PARP12: variants seen among roughly 807,000 people sequenced by gnomAD.
PARP12 encodes protein mono-ADP-ribosyltransferase PARP12.
Under a neutral mutation model 72.4 loss-of-function variants are expected in PARP12, and 59 were observed. That is an observed-to-expected ratio of 0.81 (90% confidence interval 0.66 to 1.01). The LOEUF (loss-of-function observed/expected upper bound fraction) is 1.01, where lower values mean the gene tolerates loss of function less well. Among genes scored for constraint, PARP12 ranks in the 50% least tolerant of loss-of-function variants. PARP12 has a pLI of 0.00. For synonymous variants in PARP12, 403 were observed against 371.4 expected (o/e 1.09, Z -0.98); for missense variants, 851 against 914.0 (o/e 0.93, Z 0.89).
chr7:140,047,836 G>A (rs769577436), intron 4 of PARP12, among the ~76,000 whole-genome samples: 2 of 152,060 alleles, frequency 1.3e-5, no homozygotes, highest in Non-Finnish European at 2.9e-5. Context: ...GGCTAGTCTC[G>A]AACTTCTGGC....
chr7:140,035,910 A>G lies in PARP12; in HGVS notation c.1325-1579T>C, dbSNP rs1231174091. Among the ~76,000 whole-genome samples the G allele has an allele frequency of 9.8e-3, 1,309 of 133,770 alleles. 108 individuals carry two copies. The highest frequency in any genetic ancestry group is 0.03 in the Middle Eastern group (7 of 236). 87.8% of individuals were successfully genotyped at this position (133,770 alleles called of 152,430 possible). A position where few individuals can be genotyped will look rare whatever the true frequency, so the allele number is the denominator to read the frequency against. Reference sequence around the variant, plus strand: ...GAGGAAGAGGAGGAGGACGAGGAGGAGGACAAGGAGGAGGACAAGGAGGAG... The same window carrying G: ...GAGGAAGAGGAGGAGGACGAGGAGGGGGACAAGGAGGAGGACAAGGAGGAG... On this transcript the variant is annotated intron_variant, in intron 7 of 11. Transcript: ENST00000263549.
At chr7:140,028,396 C>T (rs1013828635) in intron 9 of PARP12, among the ~76,000 whole-genome samples, 1 of 152,182 alleles carries the variant, frequency 6.6e-6, no homozygotes, top group Non-Finnish European at 1.5e-5. Flanking sequence ...GACAACCCCT[C>T]CCCTCAGAGC....
At chr7:140,037,083 G>A (rs1348472623) in intron 7 of PARP12, among the ~76,000 whole-genome samples, 1 of 152,246 alleles carries the variant, frequency 6.6e-6, no homozygotes. Context: ...AGCAAACTGG[G>A]AGGCCAAGGT....
chr7:140,045,407 G>A (rs1816676212), intron 5 of PARP12, among the ~76,000 whole-genome samples: 1 of 152,152 alleles, frequency 6.6e-6, no homozygotes, highest in Non-Finnish European at 1.5e-5. Flanking sequence ...ATAACCTTGT[G>A]ACGTAGAAAC....
At chr7:140,034,474 G>A in intron 7 of PARP12, 143 bp from the exon 8 acceptor site, 2 of 611,792 alleles carry the variant, frequency 3.3e-6, no homozygotes, top group Non-Finnish European at 5.5e-6. Context: ...TAAAAATAGG[G>A]CCATTTTACA....
chr7:140,036,423 C>T (rs899233912), intron 7 of PARP12, among the ~76,000 whole-genome samples: 1 of 152,122 alleles, frequency 6.6e-6, no homozygotes, highest in Admixed American at 6.5e-5. Flanking sequence ...CAAACCAGAC[C>T]ACACGTGGCT....
At chr7:140,059,945 G>C (rs531410191) in intron 1 of PARP12, among the ~76,000 whole-genome samples, 1 of 152,342 alleles carries the variant, frequency 6.6e-6, no homozygotes, top group African/African-American at 2.4e-5. Context: ...GACAGCAAGA[G>C]AAAGGAAGAA....
At chr7:140,057,264 C>T (rs573548010) in intron 2 of PARP12, 111 bp from the exon 3 acceptor site, 3 of 1,032,622 alleles carry the variant, frequency 2.9e-6, no homozygotes, top group Non-Finnish European at 4.3e-6. Context: ...GTGATTCCAT[C>T]ATCCACACAG....
chr7:140,045,598 G>C (rs943031797), intron 5 of PARP12, among the ~76,000 whole-genome samples: 2 of 152,176 alleles, frequency 1.3e-5, no homozygotes, highest in African/African-American at 4.8e-5. Flanking sequence ...TCAGCTAAAA[G>C]TCTGTTAAGA....
At chr7:140,058,137 AAAG>A in intron 1 of PARP12, 103 bp from the exon 2 acceptor site, 2 of 1,326,922 alleles carry the variant, frequency 1.5e-6, no homozygotes, top group South Asian at 2.5e-5. Flanking sequence ...CTCTATTTGG[AAAG>A]AAGGTCTCTA....
rs756204488 is a variant in PARP12, at chr7:140,041,712, T to C, written c.1114A>G (p.Ile372Val). 9 of 1,614,072 alleles carry C rather than the reference T, an allele frequency of 5.6e-6. No homozygotes were observed. The highest frequency in any genetic ancestry group is 7.6e-6 in the Non-Finnish European group (9 of 1,180,018). The change falls in exon 6 of 12, where the codon ATC (isoleucine) becomes GTC (valine). Residue 372 changes from isoleucine (I) to valine (V), a missense_variant. Transcript: ENST00000263549. ...ASSVTKPPHF[I>V]LTTDWIWYWS... ...TACCAAATCCAGTCAGTGGTGAGGA[T>C]GAAGTGTGGAGGTTTGGTGACAGAG...
chr7:140,046,798 C>CTG (rs1441170286), intron 5 of PARP12, 86 bp downstream of exon 5: 12 of 778,008 alleles, frequency 1.5e-5, no homozygotes, highest in African/African-American at 4.2e-5. Context: ...AGGCTGCTCA[C>CTG]AGTGTGTGTG....
At chr7:140,033,028 T>A (rs1816002487) in intron 8 of PARP12, 1 of 210,754 alleles carries the variant, frequency 4.7e-6, no homozygotes, top group African/African-American at 2.4e-5. Flanking sequence ...CTTGGCTCAC[T>A]ACGGCCTTGA....
At chr7:140,037,971 G>A (rs1266392451) in intron 6 of PARP12, 115 bp from the exon 7 acceptor site, 5 of 1,474,072 alleles carry the variant, frequency 3.4e-6, no homozygotes, top group Middle Eastern at 2.0e-4. Flanking sequence ...CCTGTGGTGG[G>A]GAAGATGGAG....
rs1301579806 is a variant in PARP12, at chr7:140,059,811, ATC to A, written c.327-1779_327-1778del. On this transcript the variant is annotated intron_variant, in intron 1 of 11. Transcript: ENST00000263549. The stretch of plus-strand genomic sequence containing the variant: ...AAGTGCAACGTCAGCTGTTGTCAGA[ATC>A]TGTCAGCGCAGAGCGGAAGGGCACC... 1.1e-4 allele frequency among the ~76,000 whole-genome samples: 17 copies of A among 152,216 alleles called. 1 individual carries two copies. The highest frequency in any genetic ancestry group is 1.0e-4 in the Non-Finnish European group (7 of 68,030).
chr7:140,061,899 T>TA, intron 1 of PARP12, among the ~76,000 whole-genome samples: 1 of 146,084 alleles, frequency 6.8e-6, no homozygotes, highest in East Asian at 2.0e-4. Flanking sequence ...CCTGAAGGAT[T>TA]AACAAATAGG....
At chr7:140,039,333 G>A (rs1030888173) in intron 6 of PARP12, among the ~76,000 whole-genome samples, 6 of 152,242 alleles carry the variant, frequency 3.9e-5, no homozygotes, top group African/African-American at 9.6e-5. Flanking sequence ...GTCAGATGCA[G>A]GCGTCCTGCC....
At chr7:140,031,174 T>C (rs1815926731) in intron 8 of PARP12, among the ~76,000 whole-genome samples, 1 of 152,114 alleles carries the variant, frequency 6.6e-6, no homozygotes, top group African/African-American at 2.4e-5. Flanking sequence ...AACATTTTCA[T>C]AGAGGATGGG....
chr7:140,059,906 T>G (rs1817370594), intron 1 of PARP12, among the ~76,000 whole-genome samples: 1 of 152,136 alleles, frequency 6.6e-6, no homozygotes, highest in Non-Finnish European at 1.5e-5. Flanking sequence ...GCATAAAGCC[T>G]GAGTGGAATA....
Sources: allele counts gnomAD v4.1 joint callset (sites outside exome capture counted in the v4.1 genomes callset), GRCh38; gene constraint gnomAD v4.1.1; transcripts MANE v1.5; gene names NCBI Gene and HGNC (gene_info 2026-07-23, HGNC 2026-07-21).